Variants in FARSA observed in about 807,000 individuals in gnomAD.
FARSA encodes phenylalanyl-tRNA synthetase subunit alpha, also known as phenylalanine--tRNA ligase alpha subunit.
Under a neutral mutation model 63.2 loss-of-function variants are expected in FARSA, and 37 were observed. The observed-to-expected ratio is 0.59, with a 90% CI of 0.45 to 0.77. The LOEUF (loss-of-function observed/expected upper bound fraction) is 0.77, where lower values mean the gene tolerates loss of function less well. Ranked by LOEUF, FARSA falls within the 30% of genes least tolerant of loss-of-function variation. FARSA has a pLI of 0.00. For missense variants in FARSA, 618 were observed against 696.6 expected (o/e 0.89, Z 1.27); for synonymous variants, 312 against 285.1 (o/e 1.09, Z -0.95).
In FARSA at chr19:12,928,361, G is replaced by A. The variant is rs554119533; in HGVS notation, c.822C>T (p.His274=). The change falls in exon 7 of 13, where the codon CAC becomes CAT. Residue 274 remains histidine (H), a synonymous_variant. Coordinates refer to ENST00000314606, the MANE Select transcript of FARSA (RefSeq NM_004461.3). ...ACCCACCTCGAAGGAAGAAGGTGTC[G>A]TGCTGGTCACGGGCTGGGTGCTGCT... ...QPQQHPARDQ[H]DTFFLRDPAE... The A allele has an allele frequency of 5.6e-5, 90 of 1,614,034 alleles. No individual in the cohort carries two copies. The highest frequency in any genetic ancestry group is 2.9e-4 in the South Asian group (26 of 91,084).
At chr19:12,927,997 T>C (rs1263912441) in intron 7 of FARSA, among the ~76,000 whole-genome samples, 1 of 117,200 alleles carries the variant, frequency 8.5e-6, no homozygotes, top group African/African-American at 3.2e-5. Flanking sequence ...ACACTCCAGC[T>C]TGGGCGACAG....
At chr19:12,926,950 A>G (rs779969999) in intron 7 of FARSA, among the ~76,000 whole-genome samples, 10 of 152,216 alleles carry the variant, frequency 6.6e-5, no homozygotes, top group Non-Finnish European at 1.5e-4. Flanking sequence ...TTTGGGTGCT[A>G]TGACAATAAT....
chr19:12,927,976 C>T (rs1187959328), intron 7 of FARSA, among the ~76,000 whole-genome samples: 2 of 130,602 alleles, frequency 1.5e-5, no homozygotes, highest in Non-Finnish European at 3.1e-5. Flanking sequence ...GAGCCAAGAT[C>T]ATGCCACTGC....
chr19:12,930,811 T>G lies in FARSA; in HGVS notation c.148-62A>C, dbSNP rs982430089. 4 of 1,585,958 alleles carry G rather than the reference T, an allele frequency of 2.5e-6. No homozygotes were observed. In the African/African-American group the frequency reaches 5.4e-5, roughly 21 times the overall value. ...TGAGGCTCAGAGCCAGGCACCCCCTTTCTGCAGCGCTGGGTCCCAGGTTGA... is the reference window on the plus strand; with the variant it reads ...TGAGGCTCAGAGCCAGGCACCCCCTGTCTGCAGCGCTGGGTCCCAGGTTGA... On this transcript the variant is annotated intron_variant, in intron 1 of 12. Transcript: ENST00000314606.
In FARSA at chr19:12,930,212, C is replaced by A; in HGVS notation, c.503+11G>T. The stretch of plus-strand genomic sequence containing the variant: ...GGTGGGGGCCTGAGCCTGCAGGGGG[C>A]ACCCACTCACACTTCAGCCAACAGC... On this transcript the variant is annotated intron_variant, in intron 4 of 12. Coordinates refer to ENST00000314606, the MANE Select transcript of FARSA (RefSeq NM_004461.3). The A allele has an allele frequency of 6.2e-7, 1 of 1,605,444 alleles. No individual in the cohort carries two copies. Among genetic ancestry groups the A allele is most frequent in the Non-Finnish European group, 8.5e-7 (1 of 1,172,432 alleles).
At position 12,930,359 on chromosome 19, in the gene FARSA, G is replaced by A. The variant is rs773704835; in HGVS notation, c.385-18C>T. 1.2e-6 allele frequency: 2 copies of A among 1,613,812 alleles called. No homozygotes were observed. Among genetic ancestry groups the A allele is most frequent in the Non-Finnish European group, 1.7e-6 (2 of 1,179,774 alleles). On this transcript the variant is annotated intron_variant, in intron 3 of 12. Coordinates refer to ENST00000314606, the MANE Select transcript of FARSA (RefSeq NM_004461.3). ...CTGTCCACCTGCCAGGATAAGGAGTGTGAGGGGTATGAGGGCCAGGGGCCC... is the reference window on the plus strand; with the variant it reads ...CTGTCCACCTGCCAGGATAAGGAGTATGAGGGGTATGAGGGCCAGGGGCCC...
At position 12,924,038 on chromosome 19, in the gene FARSA, A is replaced by G. The variant is rs1971296096; in HGVS notation, c.1388+113T>C. The G allele has an allele frequency of 1.3e-6, 1 of 796,916 alleles. No homozygotes were observed. The highest frequency in any genetic ancestry group is 2.3e-4 in the Middle Eastern group (1 of 4,420). 49.4% of individuals were successfully genotyped at this position (796,916 alleles called of 1,614,324 possible). On this transcript the variant is annotated intron_variant, in intron 12 of 12. Transcript: ENST00000314606. This position sits in a 1 kb window ranked among gnomAD's most constrained non-coding sequence, Gnocchi z 6.4. ...GAGCATTCAGTTTGTACTCACGATG[A>G]AAGTTTTGTCCATTGGATGAATGAA...
intron 1 of FARSA, among the ~76,000 whole-genome samples, chr19:12,931,198 C>T (rs141452185): frequency 3.9e-5 from 6 of 152,272 alleles, no homozygotes; most frequent in Admixed American, 2.6e-4. Context: ...TGGGCTCAAG[C>T]GATCCTTCCG....
rs780686017 is a variant in FARSA at position 12,924,625 on chromosome 19, GC to G, written c.1195+13del. The G allele has an allele frequency of 3.5e-5, 57 of 1,608,962 alleles. No individual in the cohort carries two copies. In the African/African-American group the frequency reaches 5.6e-4, roughly 16 times the overall value. ...TGCCTCACCACCATGGCCCACCCCT[GC>G]CCCCCTGCTCACCCAGCTTGGTGAA... On this transcript the variant is annotated intron_variant, in intron 10 of 12. Coordinates refer to ENST00000314606, the MANE Select transcript of FARSA (RefSeq NM_004461.3). This position sits in a 1 kb window ranked among gnomAD's most constrained non-coding sequence, Gnocchi z 6.4.
chr19:12,923,153 T>G (rs1971284100), intron 12 of FARSA, among the ~76,000 whole-genome samples: 2 of 152,140 alleles, frequency 1.3e-5, no homozygotes, highest in Non-Finnish European at 2.9e-5. Flanking sequence ...CCCCAGATAC[T>G]CTCATGGTTT....
intron 7 of FARSA, among the ~76,000 whole-genome samples, chr19:12,927,509 T>C (rs568654409): frequency 6.9e-6 from 1 of 145,400 alleles, no homozygotes; most frequent in Admixed American, 6.9e-5. Context: ...GAGGCGGGAG[T>C]ATCACTTGAG....
At chr19:12,932,417 G>A (rs567052364) in intron 1 of FARSA, among the ~76,000 whole-genome samples, 9 of 152,002 alleles carry the variant, frequency 5.9e-5, no homozygotes, top group African/African-American at 1.2e-4. Flanking sequence ...CCTCTGTGAC[G>A]TATACAAATG....
chr19:12,924,852 C>G lies in FARSA; in HGVS notation c.1027-45G>C. 1 of 1,613,938 alleles carries G rather than the reference C, an allele frequency of 6.2e-7. No individual in the cohort carries two copies. The highest frequency in any genetic ancestry group is 1.1e-5 in the South Asian group (1 of 91,066). On this transcript the variant is annotated intron_variant, in intron 9 of 12. Transcript: ENST00000314606. The surrounding 1 kb of genome is among the most constrained non-coding windows in gnomAD (Gnocchi z 6.4). ...CAGGCCCAGGTATGGGTCAGAAGGT[C>G]CCTTTGACAGCACCCTCTCCCCACT...
In FARSA at chr19:12,928,659, A is replaced by T; in HGVS notation, c.601T>A (p.Ser201Thr). 6.2e-7 allele frequency: 1 copy of T among 1,612,732 alleles called. No homozygotes were observed. Among genetic ancestry groups the T allele is most frequent in the Non-Finnish European group, 8.5e-7 (1 of 1,179,374 alleles). Reference protein sequence around the residue: ...ELSPEMISSGSWRDRPFKPYN... With the variant: ...ELSPEMISSGTWRDRPFKPYN... ...GGCTTGAAGGGCCGGTCCCGCCAAG[A>T]GCCACTGGGGGAGGATGCAAGGGCC... Residue 201 changes from serine (S) to threonine (T), a missense_variant, in exon 6 of 13, where the codon TCT becomes ACT. Physicochemically the swap from Ser to Thr is moderately conservative, Grantham distance 58. Transcript: ENST00000314606.
intron 1 of FARSA, among the ~76,000 whole-genome samples, chr19:12,932,802 C>G (rs983944331): frequency 2.6e-5 from 4 of 152,208 alleles, no homozygotes; most frequent in African/African-American, 7.2e-5. Flanking sequence ...AGTCAGAAGG[C>G]TGGACTTCAT....
At position 12,930,145 on chromosome 19, in the gene FARSA, A is replaced by C. The variant is rs1971373696; in HGVS notation, c.503+78T>G. On this transcript the variant is annotated intron_variant, in intron 4 of 12. Coordinates refer to ENST00000314606, the MANE Select transcript of FARSA (RefSeq NM_004461.3). ...GCCACACCTGTGCTTGGTGTGGGCAAGATGTCTCCCTCCCACCATGCCTCC... is the reference window on the plus strand; with the variant it reads ...GCCACACCTGTGCTTGGTGTGGGCACGATGTCTCCCTCCCACCATGCCTCC... 8.7e-6 allele frequency: 10 copies of C among 1,148,354 alleles called. No homozygotes were observed. The East Asian group carries it at 9.4e-5, about 11-fold the overall frequency. 71.1% of individuals were successfully genotyped at this position (1,148,354 alleles called of 1,614,324 possible). A position where few individuals can be genotyped will look rare whatever the true frequency, so the allele number is the denominator to read the frequency against.
At chr19:12,931,474 G>A (rs891239870) in intron 1 of FARSA, among the ~76,000 whole-genome samples, 5 of 152,212 alleles carry the variant, frequency 3.3e-5, no homozygotes, top group African/African-American at 4.8e-5. Flanking sequence ...ATGTTGGCCA[G>A]GCTGGTCTCA....
At chr19:12,925,764 C>T (rs1483412495) in intron 7 of FARSA, among the ~76,000 whole-genome samples, 4 of 151,306 alleles carry the variant, frequency 2.6e-5, no homozygotes, top group African/African-American at 9.7e-5. Flanking sequence ...ACCTCCTCCT[C>T]CCAGGTTCAA....
rs751690404 is a variant in FARSA at position 12,924,887 on chromosome 19, G to A, written c.1026+17C>T. The A allele has an allele frequency of 8.7e-6, 14 of 1,613,984 alleles. No homozygotes were observed. The Admixed American group carries it at 1.3e-4, about 15-fold the overall frequency. On this transcript the variant is annotated intron_variant, in intron 9 of 12. Transcript: ENST00000314606. The surrounding 1 kb of genome is among the most constrained non-coding windows in gnomAD (Gnocchi z 6.4). ...GCACCCTCTCCCCACTGGGGCCCCCGCCTGGGCCAACCGCACCTTCTGGGC... is the reference window on the plus strand; with the variant it reads ...GCACCCTCTCCCCACTGGGGCCCCCACCTGGGCCAACCGCACCTTCTGGGC...
Sources: allele counts gnomAD v4.1 joint callset (sites outside exome capture counted in the v4.1 genomes callset), GRCh38; gene constraint gnomAD v4.1.1; non-coding constraint Gnocchi (gnomAD v3.1); transcripts MANE v1.5; gene names NCBI Gene and HGNC (gene_info 2026-07-23, HGNC 2026-07-21).